RAB3C: variants seen among roughly 807,000 people sequenced by gnomAD.
RAB3C encodes ras-related protein Rab-3C.
In RAB3C, 17 loss-of-function variants were observed where a neutral mutation model predicts 26.4. The ratio of observed to expected loss-of-function variants is 0.64; its 90% CI spans 0.44 to 0.97. The LOEUF is 0.97. RAB3C is among the 50% of genes least tolerant of loss of function. The pLI, the probability that RAB3C is intolerant of heterozygous loss-of-function variation, is 0.00. For missense variants in RAB3C, 242 were observed against 281.9 expected, an observed-to-expected ratio of 0.86 and a Z score of 1.01; for synonymous variants, 91 against 95.9, an observed-to-expected ratio of 0.95 and a Z score of 0.30.
intron 4 of RAB3C, among the ~76,000 whole-genome samples, chr5:58,832,928 C>T (rs904865676): frequency 6.6e-6 from 1 of 152,076 alleles, no homozygotes; most frequent in African/African-American, 2.4e-5. Context: ...CATTTTGGAC[C>T]AATTACACTG....
At chr5:58,753,611 G>A (rs1741582309) in intron 3 of RAB3C, among the ~76,000 whole-genome samples, 1 of 152,154 alleles carries the variant, frequency 6.6e-6, no homozygotes, top group African/African-American at 2.4e-5. Flanking sequence ...GGAAAGAAAT[G>A]CTTGCAGTTA....
intron 4 of RAB3C, among the ~76,000 whole-genome samples, chr5:58,832,722 T>C (rs554047231): frequency 6.6e-6 from 1 of 152,326 alleles, no homozygotes; most frequent in African/African-American, 2.4e-5. Flanking sequence ...GAAGTATGAA[T>C]AGGATTTTGA....
At position 58,852,878 on chromosome 5, in the gene RAB3C, AATAG is replaced by A. The variant is rs1450010866; in HGVS notation, c.*1529_*1532del. On this transcript the variant is annotated 3_prime_UTR_variant, in exon 5 of 5. Transcript: ENST00000282878. ...AAAGAATTTTTTTCCTCTTCTCAAA[AATAG>A]AGAGGCTTCCCATGAAAGTATTGGA... The A allele has an allele frequency of 1.7e-5, 1 of 57,146 alleles. No homozygotes were observed. Among genetic ancestry groups the A allele is most frequent in the East Asian group, 2.6e-4 (1 of 3,850 alleles). The allele number at this position is 57,146 out of a possible 1,614,324, so 3.5% of individuals were successfully genotyped here.
chr5:58,582,898 C>T (rs1485863751), upstream of RAB3C: 8 of 487,074 alleles, frequency 1.6e-5, no homozygotes, highest in East Asian at 3.3e-4. Context: ...TAGGGAGGCT[C>T]CGCGGCCGAG....
intron 3 of RAB3C, among the ~76,000 whole-genome samples, chr5:58,798,091 GGC>G (rs1491186882): frequency 1.4e-3 from 142 of 100,666 alleles, no homozygotes; most frequent in Non-Finnish European, 2.6e-3. Flanking sequence ...GAACATACTT[GGC>G]GGGGGGGCCT....
intron 4 of RAB3C, among the ~76,000 whole-genome samples, chr5:58,842,991 AG>A (rs1743908199): frequency 6.6e-6 from 1 of 152,234 alleles, no homozygotes. Context: ...GGATGTACAA[AG>A]GTTAAGAGTG....
chr5:58,609,533 ATTAT>A (rs1746650203), intron 1 of RAB3C, among the ~76,000 whole-genome samples: 1 of 152,190 alleles, frequency 6.6e-6, no homozygotes, highest in Non-Finnish European at 1.5e-5. Flanking sequence ...TGCTGCTGTT[ATTAT>A]TTAGCCATAT....
At chr5:58,797,356 ATGTATATATAT>A (rs59821816) in intron 3 of RAB3C, among the ~76,000 whole-genome samples, 2,421 of 33,500 alleles carry the variant, frequency 0.072, 124 homozygotes, top group Non-Finnish European at 0.079. Context: ...AAAAAAAAAT[ATGTATATATAT>A]AATATATATA....
At position 58,855,476 on chromosome 5, in the gene RAB3C, A is replaced by G. The variant is rs1744238126; in HGVS notation, c.*4125A>G. The G allele has an allele frequency of 6.6e-6, 1 of 152,158 alleles. No homozygotes were observed. The highest frequency in any genetic ancestry group is 1.5e-5 in the Non-Finnish European group (1 of 68,030). 9.4% of individuals were successfully genotyped at this position (152,158 alleles called of 1,614,324 possible). On this transcript the variant is annotated 3_prime_UTR_variant, in exon 5 of 5. Coordinates refer to ENST00000282878, the MANE Select transcript of RAB3C (RefSeq NM_138453.4). ...ACTCTGTTCCTTTGCGTGTATAGTC[A>G]CTTAGTGTGCTGTCCGGGTGCCACA...
At chr5:58,797,369 AT>A (rs796296151) in intron 3 of RAB3C, among the ~76,000 whole-genome samples, 257 of 18,108 alleles carry the variant, frequency 0.014, 3 homozygotes, top group African/African-American at 0.028. Flanking sequence ...TATATATATA[AT>A]ATATATATAT....
intron 3 of RAB3C, among the ~76,000 whole-genome samples, chr5:58,738,340 A>C (rs1380520227): frequency 6.6e-6 from 1 of 152,216 alleles, no homozygotes; most frequent in Admixed American, 6.5e-5. Flanking sequence ...CATTTTGCTA[A>C]GTTTCTGTTC....
chr5:58,804,942 A>G (rs1225225493), intron 3 of RAB3C, among the ~76,000 whole-genome samples: 1 of 151,378 alleles, frequency 6.6e-6, no homozygotes, highest in African/African-American at 2.4e-5. Flanking sequence ...TGAATGTTCC[A>G]TGTTGTTTGT....
Position 58,607,670 on chromosome 5 carries a change from C to T in RAB3C, c.25-9973C>T, listed in dbSNP as rs1035110138. On this transcript the variant is annotated intron_variant, in intron 1 of 4. Transcript: ENST00000282878. ...GTTAAGGGCAGCCAGAGAGAAAGGT[C>T]GGGTTACCCACAAAGGGAAGCCCAT... Among the ~76,000 whole-genome samples, 28 of 152,260 alleles carry T rather than the reference C, an allele frequency of 1.8e-4. No homozygotes were observed. The South Asian group carries it at 2.3e-3, about 12-fold the overall frequency.
intron 3 of RAB3C, 61 bp from the exon 4 acceptor site, chr5:58,824,977 C>T: frequency 8.6e-7 from 1 of 1,162,332 alleles, no homozygotes; most frequent in Non-Finnish European, 1.2e-6. Context: ...TATTTCTTCT[C>T]CTTCATTTTA....
intron 2 of RAB3C, among the ~76,000 whole-genome samples, chr5:58,718,261 A>T (rs781173825): frequency 3.9e-5 from 6 of 152,132 alleles, no homozygotes; most frequent in Non-Finnish European, 7.4e-5. Flanking sequence ...ACTGAAATAA[A>T]ATAAGTAAAG....
chr5:58,768,566 A>G (rs1356837700), intron 3 of RAB3C, among the ~76,000 whole-genome samples: 2 of 152,130 alleles, frequency 1.3e-5, no homozygotes, highest in Non-Finnish European at 2.9e-5. Context: ...GGACTATTTT[A>G]GATCAGGGAT....
At chr5:58,587,708 A>C (rs148191159) in intron 1 of RAB3C, among the ~76,000 whole-genome samples, 79 of 152,280 alleles carry the variant, frequency 5.2e-4, no homozygotes, top group African/African-American at 1.8e-3. Flanking sequence ...GTATTCCTTC[A>C]TGGTTTTTCC....
At chr5:58,804,802 T>C (rs2112031421) in intron 3 of RAB3C, among the ~76,000 whole-genome samples, 1 of 152,160 alleles carries the variant, frequency 6.6e-6, no homozygotes, top group African/African-American at 2.4e-5. Context: ...ATAGGAACCA[T>C]GACTCCTCTA....
chr5:58,609,760 C>A (rs544290936), intron 1 of RAB3C, among the ~76,000 whole-genome samples: 2 of 152,240 alleles, frequency 1.3e-5, no homozygotes, highest in East Asian at 1.9e-4. Context: ...AATAGTTATT[C>A]ATTCCCTGCT....
Sources: allele counts gnomAD v4.1 joint callset (sites outside exome capture counted in the v4.1 genomes callset), GRCh38; gene constraint gnomAD v4.1.1; transcripts MANE v1.5; gene names NCBI Gene and HGNC (gene_info 2026-07-23, HGNC 2026-07-21).